CTC1: variants seen among roughly 807,000 people sequenced by gnomAD.
The protein encoded by CTC1 is CST telomere replication complex component 1.
A neutral mutation model predicts 136.3 loss-of-function variants in CTC1; 91 were observed. The ratio of observed to expected loss-of-function variants is 0.67; its 90% confidence interval spans 0.56 to 0.79. CTC1 has a LOEUF of 0.79. Ranked by LOEUF, CTC1 falls within the 30% of genes least tolerant of loss-of-function variation. CTC1 has a pLI of 0.00. For missense variants in CTC1, 1,432 were observed against 1,498.1 expected (o/e 0.96, Z 0.73); for synonymous variants, 606 against 613.8 (o/e 0.99, Z 0.19).
Position 8,235,956 on chromosome 17 carries a change from C to A in CTC1, c.1081G>T (p.Ala361Ser), listed in dbSNP as rs371145639. 2.5e-6 allele frequency: 4 copies of A among 1,605,282 alleles called. No homozygotes were observed. Among genetic ancestry groups the A allele is most frequent in the Non-Finnish European group, 3.4e-6 (4 of 1,173,298 alleles). The change falls in exon 7 of 23, where the codon GCA becomes TCA. Residue 361 changes from alanine (A) to serine (S), a missense_variant. By Grantham distance (99) the Ala-to-Ser change is moderately conservative. Transcript: ENST00000651323. ...RYSRLLSYSG[A>S]VTGVLNEPAG... ...GGCTCATTCAACACGCCAGTGACTG[C>A]TCCCTGCAAACAGGCCGAGGTCCAG... is the stretch of plus-strand genomic sequence containing the variant.
At chr17:8,236,559 C>G (rs1025070207) in intron 5 of CTC1, among the ~76,000 whole-genome samples, 6 of 152,196 alleles carry the variant, frequency 3.9e-5, no homozygotes, top group Non-Finnish European at 7.3e-5. Flanking sequence ...ACATACAAAC[C>G]ATCCCTAAAA....
intron 1 of CTC1, among the ~76,000 whole-genome samples, chr17:8,246,010 G>A (rs9910442): frequency 0.065 from 8,967 of 138,600 alleles, 1,251 homozygotes; most frequent in East Asian, 0.24. Flanking sequence ...GTTGAGACCC[G>A]CCTGGGCAAC....
intron 1 of CTC1, among the ~76,000 whole-genome samples, chr17:8,246,871 A>T (rs140729828): frequency 1.1e-3 from 172 of 150,404 alleles, no homozygotes; most frequent in African/African-American, 3.9e-3. Context: ...GCGTCACTGC[A>T]CTCCAGCCTG....
intron 12 of CTC1, 58 bp from the exon 13 acceptor site, chr17:8,232,285 C>A: frequency 6.4e-7 from 1 of 1,556,224 alleles, no homozygotes; most frequent in Non-Finnish European, 8.7e-7. Flanking sequence ...GTATTTTGGT[C>A]CCCAGCATCC....
At position 8,230,264 on chromosome 17, in the gene CTC1, G is replaced by C. The variant is rs141775259; in HGVS notation, c.2933+30C>G. ...TTCCAGAGAGCCACATCAGTAGCAA[G>C]AGGAGGCAGGTGACACTACACATCT... On this transcript the variant is annotated intron_variant, in intron 17 of 22. Transcript: ENST00000651323. 4 of 1,591,304 alleles carry C rather than the reference G, an allele frequency of 2.5e-6. No individual in the cohort carries two copies. The East Asian group carries it at 8.9e-5, about 36-fold the overall frequency.
Position 8,226,598 on chromosome 17 carries a change from A to C in CTC1, c.*1582T>G, listed in dbSNP as rs373660920. 6.6e-6 allele frequency: 1 copy of C among 152,122 alleles called. No individual in the cohort carries two copies. The highest frequency in any genetic ancestry group is 1.5e-5 in the Non-Finnish European group (1 of 68,004). The allele number at this position is 152,122 out of a possible 1,614,324, so 9.4% of individuals were successfully genotyped here. On this transcript the variant is annotated 3_prime_UTR_variant, in exon 23 of 23. Coordinates refer to ENST00000651323, the MANE Select transcript of CTC1 (RefSeq NM_025099.6). ...GAGAAATATGGTCAGTATGCTGAAG[A>C]AAAAAATATGACGTAGTCGGCAGGA... is the stretch of plus-strand genomic sequence containing the variant.
chr17:8,231,319 T>C lies in CTC1; in HGVS notation c.2626A>G (p.Lys876Glu), dbSNP rs1331977893. Residue 876 changes from lysine (K) to glutamate (E), a missense_variant, in exon 15 of 23, where the codon AAG becomes GAG. By Grantham distance (56) the Lys-to-Glu change is moderately conservative (BLOSUM62 1). Coordinates refer to ENST00000651323, the MANE Select transcript of CTC1 (RefSeq NM_025099.6). ...GTCAGTGAGGATTCAGGCAATGACT[T>C]GTTTGCATCCAGCACATCTTGGATA... ...QDIQDVLDANKSLPESSLTDL... is the reference protein window; with the variant it reads ...QDIQDVLDANESLPESSLTDL... The C allele has an allele frequency of 3.1e-6, 5 of 1,601,460 alleles. No individual in the cohort carries two copies. The highest frequency in any genetic ancestry group is 8.5e-7 in the Non-Finnish European group (1 of 1,170,400).
rs1987297765 is a variant in CTC1 at position 8,232,174 on chromosome 17, G to A, written c.2114C>T (p.Pro705Leu). 6.6e-7 allele frequency: 1 copy of A among 1,525,980 alleles called. No individual in the cohort carries two copies. 94.5% of individuals were successfully genotyped at this position (1,525,980 alleles called of 1,614,324 possible). The change falls in exon 13 of 23, where the codon CCC becomes CTC. Residue 705 changes from proline (P) to leucine (L), a missense_variant. By Grantham distance (98) the Pro-to-Leu change is moderately conservative. Coordinates refer to ENST00000651323, the MANE Select transcript of CTC1 (RefSeq NM_025099.6). The part of the protein sequence containing the change: ...ADALILPVPR[P>L]CLHSATPSTP... The stretch of plus-strand genomic sequence containing the variant: ...TGAGGGTGTTGCTGAATGAAGGCAG[G>A]GTCTGGGCACAGGCAGGATCAGGGC...
At position 8,243,074 on chromosome 17, in the gene CTC1, G is replaced by T; in HGVS notation, c.108C>A (p.Val36=). Residue 36 remains valine, a synonymous_variant, in exon 2 of 23, where the codon GTC becomes GTA. Transcript: ENST00000651323. ...TLCPAVKEPN[V]QLTPLVIDCV... is the part of the protein sequence containing the mutation. ...AATCAATTACCAATGGAGTCAACTG[G>T]ACATTAGGCTCCTTGACAGCTGGAC... 6.2e-7 allele frequency: 1 copy of T among 1,613,950 alleles called. No homozygotes were observed.
At chr17:8,243,240 C>A in intron 1 of CTC1, 92 bp from the exon 2 acceptor site, 1 of 1,272,484 alleles carries the variant, frequency 7.9e-7, no homozygotes, top group Non-Finnish European at 1.1e-6. Flanking sequence ...AATATCCGGG[C>A]CGGGTGCGGT....
rs926099334 is a variant in CTC1 at position 8,225,942 on chromosome 17, G to T, written c.*2238C>A. The T allele has an allele frequency of 5.3e-5, 8 of 152,142 alleles. No individual in the cohort carries two copies. The highest frequency in any genetic ancestry group is 1.0e-4 in the Non-Finnish European group (7 of 68,052). The allele number at this position is 152,142 out of a possible 1,614,324, so 9.4% of individuals were successfully genotyped here. ...GTCCTAGGGTGGAGAAAGAGGCCTG[G>T]AAGGTGGGCAGCCCCTTCCATCGAG... On this transcript the variant is annotated 3_prime_UTR_variant, in exon 23 of 23. Coordinates refer to ENST00000651323, the MANE Select transcript of CTC1 (RefSeq NM_025099.6).
At chr17:8,246,861 G>T (rs1014429579) in intron 1 of CTC1, among the ~76,000 whole-genome samples, 2 of 151,798 alleles carry the variant, frequency 1.3e-5, no homozygotes, top group African/African-American at 2.4e-5. Context: ...AGCCGAGATC[G>T]CGTCACTGCA....
Position 8,235,228 on chromosome 17 carries a change from C to A in CTC1, c.1264G>T (p.Ala422Ser), listed in dbSNP as rs369078832. ...AGAACGGCGCCACGGAGGCAGGGGG[C>A]GAGCACTGGCCTTCTTGTCCCCCCT... ...VGGGTRRPVL[A>S]PCLRGAVLLQ... The change falls in exon 8 of 23, where the codon GCC becomes TCC. Residue 422 changes from alanine to serine, a missense_variant. Coordinates refer to ENST00000651323, the MANE Select transcript of CTC1 (RefSeq NM_025099.6). 5 of 1,614,106 alleles carry A rather than the reference C, an allele frequency of 3.1e-6. No individual in the cohort carries two copies. Among genetic ancestry groups the A allele is most frequent in the Non-Finnish European group, 4.2e-6 (5 of 1,180,008 alleles).
At position 8,226,598 on chromosome 17, in the gene CTC1, A is replaced by G. The variant is rs373660920; in HGVS notation, c.*1582T>C. On this transcript the variant is annotated 3_prime_UTR_variant, in exon 23 of 23. Coordinates refer to ENST00000651323, the MANE Select transcript of CTC1 (RefSeq NM_025099.6). ...GAGAAATATGGTCAGTATGCTGAAG[A>G]AAAAAATATGACGTAGTCGGCAGGA... 12 of 152,122 alleles carry G rather than the reference A, an allele frequency of 7.9e-5. No homozygotes were observed. The highest frequency in any genetic ancestry group is 2.2e-4 in the African/African-American group (9 of 41,448). 9.4% of individuals were successfully genotyped at this position (152,122 alleles called of 1,614,324 possible).
chr17:8,234,486 CAG>C lies in CTC1; in HGVS notation c.1785_1786del (p.Cys596SerfsTer22), dbSNP rs1332374941. 4.5e-6 allele frequency: 7 copies of C among 1,552,684 alleles called. No individual in the cohort carries two copies. Among genetic ancestry groups the C allele is most frequent in the Admixed American group, 3.9e-5 (2 of 51,052 alleles). The stretch of plus-strand genomic sequence containing the variant: ...TGGGCAGAAGGCAGAGGGCAGCAGA[CAG>C]AGCCAGGACCAAGCCAGGCGGCGAT... On this transcript the variant is annotated frameshift_variant, in exon 10 of 23. Coordinates refer to ENST00000651323, the MANE Select transcript of CTC1 (RefSeq NM_025099.6). LOFTEE classifies it high-confidence loss of function.
At position 8,227,018 on chromosome 17, in the gene CTC1, C is replaced by T. The variant is rs911422015; in HGVS notation, c.*1162G>A. 1 of 152,296 alleles carries T rather than the reference C, an allele frequency of 6.6e-6. No individual in the cohort carries two copies. The highest frequency in any genetic ancestry group is 2.4e-5 in the African/African-American group (1 of 41,100). 9.4% of individuals were successfully genotyped at this position (152,296 alleles called of 1,614,324 possible). On this transcript the variant is annotated 3_prime_UTR_variant, in exon 23 of 23. Transcript: ENST00000651323. ...GCCCGTACGGGGTTCGAACCCGCGA[C>T]CTTGGCGTTATTAGCACCACGCTCT...
rs1393995126 is a variant in CTC1 at position 8,232,008 on chromosome 17, G to A, written c.2280C>T (p.Ala760=). The change falls in exon 13 of 23, where the codon GCC becomes GCT. Residue 760 remains alanine (A), a synonymous_variant. Coordinates refer to ENST00000651323, the MANE Select transcript of CTC1 (RefSeq NM_025099.6). ...AGCTCCCCAACACATAGAAACTGAG[G>A]GCGGGCTTGGGCACCTCTGGACTTG... The part of the protein sequence containing the change: ...PGASPEVPKP[A]LSFYVLGSWL... 18 of 1,602,442 alleles carry A rather than the reference G, an allele frequency of 1.1e-5. No homozygotes were observed. The highest frequency in any genetic ancestry group is 3.3e-5 in the South Asian group (3 of 89,624).
intron 4 of CTC1, 42 bp from the exon 5 acceptor site, chr17:8,237,561 A>C: frequency 1.3e-6 from 2 of 1,554,528 alleles, no homozygotes; most frequent in Non-Finnish European, 1.8e-6. Flanking sequence ...GCTACTCAGG[A>C]GGCTGAGGGA....
rs1383074170 is a variant in CTC1 at position 8,236,299 on chromosome 17, G to A, written c.836C>T (p.Thr279Ile). 1 of 1,612,150 alleles carries A rather than the reference G, an allele frequency of 6.2e-7. No individual in the cohort carries two copies. Among genetic ancestry groups the A allele is most frequent in the African/African-American group, 1.3e-5 (1 of 75,062 alleles). The change falls in exon 6 of 23, where the codon ACA becomes ATA. Residue 279 changes from threonine to isoleucine, a missense_variant. Coordinates refer to ENST00000651323, the MANE Select transcript of CTC1 (RefSeq NM_025099.6). ...TCGCAGTTCTGTCAGCACATAGGCT[G>A]TACCAGGCCGAAGGGCTCTGTGCCA... is the stretch of plus-strand genomic sequence containing the variant. ...LVWHRALRPG[T>I]AYVLTELRVS...
Sources: gnomAD v4.1 joint callset for allele counts (sites outside exome capture counted in the v4.1 genomes callset) on GRCh38, gnomAD v4.1.1 for gene constraint, MANE v1.5 for transcripts, NCBI Gene and HGNC (gene_info 2026-07-23, HGNC 2026-07-21) for gene names.